Variants in DPP10 observed in about 807,000 individuals in gnomAD.
DPP10 encodes the protein inactive dipeptidyl peptidase 10.
A neutral mutation model predicts 120.9 loss-of-function variants in DPP10; 33 were observed. The observed-to-expected ratio is 0.27, with a 90% CI of 0.21 to 0.37. The LOEUF is 0.37. Ranked by LOEUF, DPP10 falls within the 10% of genes least tolerant of loss-of-function variation. DPP10 has a pLI of 1.00. For missense variants in DPP10, 816 were observed against 942.8 expected, an observed-to-expected ratio of 0.87 and a Z score of 1.76; for synonymous variants, 337 against 326.1, an observed-to-expected ratio of 1.03 and a Z score of -0.36.
chr2:115,668,093 C>T (rs2089601352), intron 5 of DPP10, among the ~76,000 whole-genome samples: 1 of 151,982 alleles, frequency 6.6e-6, no homozygotes, highest in South Asian at 2.1e-4. Flanking sequence ...AGCCATATAT[C>T]TTCAGTACAG....
At chr2:115,291,452 A>G (rs1213177555) in intron 1 of DPP10, among the ~76,000 whole-genome samples, 1 of 152,168 alleles carries the variant, frequency 6.6e-6, no homozygotes, top group East Asian at 1.9e-4. Context: ...CCCCACCACA[A>G]ATTTCCAATA....
intron 7 of DPP10, among the ~76,000 whole-genome samples, chr2:115,692,139 GGTTTTTT>G (rs964853007): frequency 2.0e-5 from 3 of 151,740 alleles, no homozygotes; most frequent in African/African-American, 4.8e-5. Context: ...GGTATGGTGG[GGTTTTTT>G]GTTTTTTGTT....
chr2:115,476,703 A>T (rs1282903017), intron 3 of DPP10, among the ~76,000 whole-genome samples: 1 of 152,204 alleles, frequency 6.6e-6, no homozygotes, highest in Non-Finnish European at 1.5e-5. Context: ...TTGGGGAATG[A>T]CATTCAGTAT....
At chr2:115,667,110 G>A (rs1337118955) in intron 5 of DPP10, among the ~76,000 whole-genome samples, 1 of 152,128 alleles carries the variant, frequency 6.6e-6, no homozygotes, top group East Asian at 1.9e-4. Context: ...GATTAGTGAT[G>A]TTGAGCGTAT....
At chr2:115,691,351 A>G (rs561684430) in intron 7 of DPP10, among the ~76,000 whole-genome samples, 1 of 152,278 alleles carries the variant, frequency 6.6e-6, no homozygotes, top group South Asian at 2.1e-4. Flanking sequence ...TGGGCCTTCC[A>G]TGTATAGGTT....
intron 1 of DPP10, among the ~76,000 whole-genome samples, chr2:115,190,452 C>T (rs970983727): frequency 1.3e-5 from 2 of 152,064 alleles, no homozygotes; most frequent in Non-Finnish European, 2.9e-5. Context: ...AAGAGTCCCC[C>T]GCAATACCAC....
intron 1 of DPP10, among the ~76,000 whole-genome samples, chr2:114,810,624 A>C (rs1421709672): frequency 6.6e-6 from 1 of 152,226 alleles, no homozygotes; most frequent in Non-Finnish European, 1.5e-5. Flanking sequence ...TAGTACTTCC[A>C]ACTCTTCTTT....
intron 1 of DPP10, among the ~76,000 whole-genome samples, chr2:115,306,460 G>A (rs912679035): frequency 1.3e-4 from 20 of 152,070 alleles, no homozygotes; most frequent in Admixed American, 2.0e-4. Context: ...CTGGGGAAAC[G>A]GGAGCGTGGA....
At chr2:114,693,551 G>A (rs1227669169) in intron 1 of DPP10, among the ~76,000 whole-genome samples, 1 of 151,852 alleles carries the variant, frequency 6.6e-6, no homozygotes, top group Non-Finnish European at 1.5e-5. Context: ...TGAGGATTAT[G>A]TGTCCTGGGG....
chr2:114,959,059 T>C (rs1028511460), intron 1 of DPP10, among the ~76,000 whole-genome samples: 4 of 152,260 alleles, frequency 2.6e-5, no homozygotes, highest in East Asian at 3.9e-4. Context: ...TGGTTTGTTT[T>C]TGTTTTTGTT....
chr2:115,145,093 T>C (rs770534395), intron 1 of DPP10: 4 of 152,096 alleles, frequency 2.6e-5, no homozygotes, highest in Non-Finnish European at 5.9e-5. Flanking sequence ...AGTTTGTAAT[T>C]ATTATATACA....
chr2:115,154,692 C>G (rs1457605410), intron 1 of DPP10, among the ~76,000 whole-genome samples: 2 of 151,782 alleles, frequency 1.3e-5, no homozygotes, highest in East Asian at 3.9e-4. Flanking sequence ...CTCTGAGGCT[C>G]CCCCTACTTA....
intron 1 of DPP10, among the ~76,000 whole-genome samples, chr2:114,522,205 C>T (rs986923202): frequency 2.6e-5 from 4 of 151,092 alleles, no homozygotes; most frequent in South Asian, 2.1e-4. Flanking sequence ...GGGATGGTCT[C>T]GATCTCCTGA....
chr2:114,663,654 T>G lies in DPP10; in HGVS notation c.60+220816T>G, dbSNP rs1489931729. ...ATACATGTACAGATATATATATATA[T>G]ATATATATATATATAGAGAGAGAGA... On this transcript the variant is annotated intron_variant, in intron 1 of 25. Transcript: ENST00000410059. Among the ~76,000 whole-genome samples the G allele has an allele frequency of 1.2e-4, 11 of 95,146 alleles. No homozygotes were observed. In the South Asian group the frequency reaches 1.2e-3, roughly 11 times the overall value. The allele number at this position is 95,146 out of a possible 152,430, so 62.4% of individuals were successfully genotyped here. A position where few individuals can be genotyped will look rare whatever the true frequency, so the allele number is the denominator to read the frequency against.
At chr2:115,731,411 C>T (rs2092907485) in intron 8 of DPP10, among the ~76,000 whole-genome samples, 1 of 151,672 alleles carries the variant, frequency 6.6e-6, no homozygotes, top group African/African-American at 2.4e-5. Context: ...CCTGTGTTCC[C>T]CCCTACTCTG....
chr2:115,176,556 T>C (rs1318746778), intron 1 of DPP10, among the ~76,000 whole-genome samples: 1 of 152,088 alleles, frequency 6.6e-6, no homozygotes, highest in African/African-American at 2.4e-5. Context: ...ACCATCAACT[T>C]CTTTCCTGTT....
intron 9 of DPP10, among the ~76,000 whole-genome samples, chr2:115,742,631 AT>A (rs1677428067): frequency 3.3e-5 from 5 of 152,222 alleles, no homozygotes; most frequent in African/African-American, 1.2e-4. Context: ...TTTCAGTATC[AT>A]TTTGGGTATG....
intron 19 of DPP10, among the ~76,000 whole-genome samples, chr2:115,796,923 T>C (rs1278616562): frequency 6.6e-6 from 1 of 152,058 alleles, no homozygotes; most frequent in South Asian, 2.1e-4. Context: ...GTTTTATATA[T>C]CTATTTTCTG....
rs192777013 is a variant in DPP10 at position 114,496,484 on chromosome 2, C to A, written c.60+53646C>A. On this transcript the variant is annotated intron_variant, in intron 1 of 25. Transcript: ENST00000410059. ...GATTCAGTGTCTGGTGAAGATCTGACTCCTGGTTTGTAGATGACTGTTTTC... is the reference window on the plus strand; with the variant it reads ...GATTCAGTGTCTGGTGAAGATCTGAATCCTGGTTTGTAGATGACTGTTTTC... 3.8e-3 allele frequency among the ~76,000 whole-genome samples: 576 copies of A among 152,104 alleles called. 3 individuals are homozygous for A. The highest frequency in any genetic ancestry group is 0.013 in the African/African-American group (547 of 41,504).
Sources: allele counts gnomAD v4.1 joint callset (sites outside exome capture counted in the v4.1 genomes callset), GRCh38; gene constraint gnomAD v4.1.1; transcripts MANE v1.5; gene names NCBI Gene and HGNC (gene_info 2026-07-23, HGNC 2026-07-21).